The following IGSF11 variants were observed in gnomAD, a reference collection of about 807,000 sequenced individuals.
IGSF11 encodes CXADR like 1.
Under a neutral mutation model 41.0 loss-of-function variants are expected in IGSF11, and 22 were observed. The observed-to-expected ratio is 0.54, with a 90% CI of 0.38 to 0.77. The LOEUF is 0.77. Ranked by LOEUF, IGSF11 falls within the 30% of genes least tolerant of loss-of-function variation. The pLI is 0.00. For missense variants in IGSF11, 444 were observed against 530.8 expected (o/e 0.84, Z 1.61); for synonymous variants, 219 against 201.3 (o/e 1.09, Z -0.74).
At chr3:118,908,066 G>A (rs1040554628) in intron 4 of IGSF11, among the ~76,000 whole-genome samples, 1 of 152,042 alleles carries the variant, frequency 6.6e-6, no homozygotes, top group Admixed American at 6.6e-5. Context: ...GGTGGTGGTG[G>A]GTTTTCCCCT....
intron 1 of IGSF11, among the ~76,000 whole-genome samples, chr3:119,041,961 T>C (rs1941133056): frequency 6.6e-6 from 1 of 152,122 alleles, no homozygotes; most frequent in South Asian, 2.1e-4. Flanking sequence ...ATACCAAATA[T>C]TGACAAGAAT....
chr3:118,924,429 C>G (rs1942108351), intron 4 of IGSF11, among the ~76,000 whole-genome samples: 1 of 151,984 alleles, frequency 6.6e-6, no homozygotes, highest in African/African-American at 2.4e-5. Context: ...TTGAGATCAA[C>G]TTTATTAATA....
chr3:119,120,021 G>A (rs2077310989), intron 1 of IGSF11, among the ~76,000 whole-genome samples: 1 of 152,192 alleles, frequency 6.6e-6, no homozygotes, highest in Non-Finnish European at 1.5e-5. Flanking sequence ...CTGTGCACAT[G>A]CCAAGGAAAG....
At chr3:119,059,749 G>A (rs1374516674) in intron 1 of IGSF11, among the ~76,000 whole-genome samples, 1 of 151,990 alleles carries the variant, frequency 6.6e-6, no homozygotes, top group Middle Eastern at 3.2e-3. Flanking sequence ...ATTTTCAGTG[G>A]AAAGTAGAGT....
chr3:119,124,683 A>G (rs1020501252), intron 1 of IGSF11, among the ~76,000 whole-genome samples: 1 of 152,122 alleles, frequency 6.6e-6, no homozygotes, highest in East Asian at 1.9e-4. Flanking sequence ...AAATAGTTTC[A>G]AAAGGGTAAA....
At chr3:118,941,265 A>C (rs1943674412) in intron 1 of IGSF11, among the ~76,000 whole-genome samples, 1 of 152,124 alleles carries the variant, frequency 6.6e-6, no homozygotes, top group Non-Finnish European at 1.5e-5. Context: ...ATATCTAAAA[A>C]CTCTTAAAAT....
intron 1 of IGSF11, among the ~76,000 whole-genome samples, chr3:119,071,609 C>T (rs2076401172): frequency 6.6e-6 from 1 of 152,076 alleles, no homozygotes; most frequent in Admixed American, 6.5e-5. Context: ...AATTGGGCAT[C>T]CTTCTCAAAA....
At chr3:119,059,307 G>A (rs1184170623) in intron 1 of IGSF11, among the ~76,000 whole-genome samples, 1 of 152,048 alleles carries the variant, frequency 6.6e-6, no homozygotes, top group Non-Finnish European at 1.5e-5. Flanking sequence ...TGAAGTAACT[G>A]AGGAATGTAA....
intron 1 of IGSF11, among the ~76,000 whole-genome samples, chr3:118,936,747 A>G (rs1199279330): frequency 4.6e-5 from 7 of 152,210 alleles, no homozygotes; most frequent in Non-Finnish European, 8.8e-5. Context: ...ATCTTTCTTT[A>G]GACTCCTGTT....
chr3:119,132,522 A>C (rs1372974601), intron 1 of IGSF11, among the ~76,000 whole-genome samples: 2 of 152,160 alleles, frequency 1.3e-5, no homozygotes, highest in African/African-American at 2.4e-5. Context: ...GTAAGAGCTA[A>C]CTATCCTAAA....
At chr3:119,036,375 T>C (rs1454176886), upstream of IGSF11, among the ~76,000 whole-genome samples, 1 of 152,202 alleles carries the variant, frequency 6.6e-6, no homozygotes, top group Non-Finnish European at 1.5e-5. Context: ...TTCCATCCAA[T>C]TCAATCCCTC....
chr3:119,130,353 C>T (rs897263272), intron 1 of IGSF11, among the ~76,000 whole-genome samples: 1 of 152,200 alleles, frequency 6.6e-6, no homozygotes, highest in Non-Finnish European at 1.5e-5. Context: ...CACTCTTGCC[C>T]AAATACTGCA....
At chr3:119,059,984 T>C (rs1057421510) in intron 1 of IGSF11, among the ~76,000 whole-genome samples, 2 of 152,046 alleles carry the variant, frequency 1.3e-5, no homozygotes, top group African/African-American at 4.8e-5. Flanking sequence ...CCAGAGACAG[T>C]TGTAGCTGTG....
intron 1 of IGSF11, among the ~76,000 whole-genome samples, chr3:118,945,554 A>G (rs956219461): frequency 2.0e-5 from 3 of 152,208 alleles, no homozygotes; most frequent in Non-Finnish European, 4.4e-5. Flanking sequence ...ATAAGACTAA[A>G]TGAAACCACA....
rs1235187834 is a variant in IGSF11, at chr3:118,904,759, C to T, written c.743G>A (p.Gly248Asp). 3.1e-6 allele frequency: 5 copies of T among 1,613,140 alleles called. No homozygotes were observed. The highest frequency in any genetic ancestry group is 3.3e-4 in the Middle Eastern group (2 of 6,080). Residue 248 changes from glycine (G) to aspartate (D), a missense_variant, in exon 6 of 7, where the codon GGC becomes GAC. Physicochemically the swap from Gly to Asp is moderately conservative, Grantham distance 94. Transcript: ENST00000393775. The stretch of plus-strand genomic sequence containing the variant: ...AAAAATGATAATAACTGCACCAGTG[C>T]CAATGGCTCCAGCTATTAGTCCAAT... ...RNIGLIAGAI[G>D]TGAVIIIFCI...
intron 6 of IGSF11, 93 bp from the exon 7 acceptor site, chr3:118,903,054 T>C: frequency 1.6e-6 from 2 of 1,240,058 alleles, no homozygotes; most frequent in Non-Finnish European, 2.2e-6. Flanking sequence ...TCAGGGCTTA[T>C]ACATCCAAAA....
intron 1 of IGSF11, among the ~76,000 whole-genome samples, chr3:118,967,871 A>T (rs1374412015): frequency 6.6e-6 from 1 of 152,144 alleles, no homozygotes; most frequent in East Asian, 1.9e-4. Flanking sequence ...TGAGGTGGGG[A>T]TTCCTCCCAA....
chr3:119,097,483 C>A (rs1173721906), intron 1 of IGSF11, among the ~76,000 whole-genome samples: 1 of 152,108 alleles, frequency 6.6e-6, no homozygotes, highest in Non-Finnish European at 1.5e-5. Flanking sequence ...AGGGAATCTA[C>A]CCCAGCAAGC....
chr3:119,063,063 T>G (rs1472044993), intron 1 of IGSF11, among the ~76,000 whole-genome samples: 3 of 152,126 alleles, frequency 2.0e-5, no homozygotes, highest in African/African-American at 7.2e-5. Flanking sequence ...GAATATACAA[T>G]CTCCCAGGCT....
Sources: gnomAD v4.1 joint callset for allele counts (sites outside exome capture counted in the v4.1 genomes callset) on GRCh38, gnomAD v4.1.1 for gene constraint, MANE v1.5 for transcripts, NCBI Gene and HGNC (gene_info 2026-07-23, HGNC 2026-07-21) for gene names.